Variants in CFAP20DC observed in about 807,000 individuals in gnomAD.
CFAP20DC encodes the protein CFAP20 domain containing, also known as protein CFAP20DC.
A neutral mutation model predicts 101.7 loss-of-function variants in CFAP20DC; 84 were observed. The observed-to-expected ratio is 0.83, with a 90% confidence interval of 0.69 to 0.99. The LOEUF is 0.99. CFAP20DC is among the 50% of genes least tolerant of loss of function. The pLI, the probability that CFAP20DC is intolerant of heterozygous loss-of-function variation, is 0.00. For missense variants in CFAP20DC, 1,007 were observed against 970.3 expected, an observed-to-expected ratio of 1.04 and a Z score of -0.50; for synonymous variants, 359 against 351.2, an observed-to-expected ratio of 1.02 and a Z score of -0.25.
At position 58,795,979 on chromosome 3, in the gene CFAP20DC, G is replaced by A. The variant is rs573641642; in HGVS notation, c.2237+10416C>T. Among the ~76,000 whole-genome samples, 3 of 152,234 alleles carry A rather than the reference G, an allele frequency of 2.0e-5. No individual in the cohort carries two copies. Among genetic ancestry groups the A allele is most frequent in the South Asian group, 4.2e-4 (2 of 4,818 alleles). On this transcript the variant is annotated intron_variant, in intron 15 of 16. Coordinates refer to ENST00000482387, the MANE Select transcript of CFAP20DC (RefSeq NM_001394063.1). The surrounding 1 kb of genome is among the most constrained non-coding windows in gnomAD (Gnocchi z 4.2). ...GGGGTTAGCTGATGCTCAGGCAGGC[G>A]GGTCCAGACACGAACATGGAGAGAG...
chr3:58,915,429 G>A (rs945486755), intron 5 of CFAP20DC, among the ~76,000 whole-genome samples: 5 of 152,050 alleles, frequency 3.3e-5, no homozygotes, highest in South Asian at 4.1e-4. Context: ...TTGTATAAAC[G>A]TGGTTCCTAG....
At chr3:58,780,035 C>T (rs1004542196) in intron 15 of CFAP20DC, among the ~76,000 whole-genome samples, 2 of 151,972 alleles carry the variant, frequency 1.3e-5, no homozygotes, top group Non-Finnish European at 2.9e-5. Context: ...ACTTTACAGG[C>T]CAGGAGAGAA....
At chr3:58,719,228 G>A (rs757559135) in intron 3 of CFAP20DC, among the ~76,000 whole-genome samples, 5 of 152,188 alleles carry the variant, frequency 3.3e-5, no homozygotes, top group Non-Finnish European at 7.3e-5. Flanking sequence ...GGATGACAGA[G>A]TGAGACCCTG....
At chr3:58,783,427 G>C (rs2072022897) in intron 15 of CFAP20DC, among the ~76,000 whole-genome samples, 1 of 151,556 alleles carries the variant, frequency 6.6e-6, no homozygotes. Flanking sequence ...AGATAAATAG[G>C]ACTATATTAA....
At chr3:58,784,634 G>A (rs1022555742) in intron 15 of CFAP20DC, among the ~76,000 whole-genome samples, 2 of 152,046 alleles carry the variant, frequency 1.3e-5, no homozygotes, top group African/African-American at 2.4e-5. Flanking sequence ...ACATGACAGC[G>A]CATGTGTCTT....
rs540402417 is a variant in CFAP20DC at position 58,899,105 on chromosome 3, A to G, written c.551-14396T>C. Among the ~76,000 whole-genome samples the G allele has an allele frequency of 1.3e-5, 2 of 152,240 alleles. No homozygotes were observed. Among genetic ancestry groups the G allele is most frequent in the African/African-American group, 4.8e-5 (2 of 41,542 alleles). On this transcript the variant is annotated intron_variant, in intron 6 of 16. Coordinates refer to ENST00000482387, the MANE Select transcript of CFAP20DC (RefSeq NM_001394063.1). This position sits in a 1 kb window ranked among gnomAD's most constrained non-coding sequence, Gnocchi z 5.0. ...GGGGTACTGACCTGTTGCCAGCCTG[A>G]ACTGCACCTGTAGGAGGAGGCTGGA...
At chr3:58,853,724 A>T (rs1326526817) in intron 12 of CFAP20DC, among the ~76,000 whole-genome samples, 1 of 152,202 alleles carries the variant, frequency 6.6e-6, no homozygotes, top group Non-Finnish European at 1.5e-5. Context: ...ACAGAACCAA[A>T]GACAAAAACC....
At chr3:58,838,983 C>T (rs377426181) in intron 13 of CFAP20DC, among the ~76,000 whole-genome samples, 40 of 152,066 alleles carry the variant, frequency 2.6e-4, no homozygotes, top group African/African-American at 9.2e-4. Flanking sequence ...TTTAAAGAAC[C>T]AGGAGGAAAA....
At chr3:58,966,400 G>C (rs1221731677) in intron 4 of CFAP20DC, among the ~76,000 whole-genome samples, 2 of 151,370 alleles carry the variant, frequency 1.3e-5, no homozygotes, top group East Asian at 3.9e-4. Context: ...TAAATACTGA[G>C]AAATAAATTT....
chr3:58,890,331 G>A (rs540895294), intron 6 of CFAP20DC, among the ~76,000 whole-genome samples: 12 of 140,088 alleles, frequency 8.6e-5, no homozygotes, highest in South Asian at 4.6e-4. Flanking sequence ...CCTCCCTCCC[G>A]GACGGGGCGG....
intron 13 of CFAP20DC, among the ~76,000 whole-genome samples, chr3:58,844,709 A>G (rs1428754782): frequency 7.7e-6 from 1 of 129,762 alleles, no homozygotes; most frequent in Non-Finnish European, 1.5e-5. Flanking sequence ...CAGAATATAC[A>G]TTTTTTTCAG....
At chr3:58,808,118 G>T (rs1166610985) in intron 14 of CFAP20DC, among the ~76,000 whole-genome samples, 2 of 152,170 alleles carry the variant, frequency 1.3e-5, no homozygotes, top group Non-Finnish European at 2.9e-5. Context: ...AGGGAGAATG[G>T]AACCAAGTTG....
Position 58,742,577 on chromosome 3 carries a change from G to A in CFAP20DC, c.2333-5C>T. 1.9e-6 allele frequency: 3 copies of A among 1,594,458 alleles called. No individual in the cohort carries two copies. Among genetic ancestry groups the A allele is most frequent in the Non-Finnish European group, 2.6e-6 (3 of 1,169,620 alleles). ...CCACACTGAGGTCTTCTTCACCTGT[G>A]GGGAAGGGGAACCACAGACACATTA... On this transcript the variant is annotated splice_region_variant and splice_polypyrimidine_tract_variant and intron_variant, in intron 16 of 16. Coordinates refer to ENST00000482387, the MANE Select transcript of CFAP20DC (RefSeq NM_001394063.1).
At chr3:58,727,377 T>C (rs1456297141) in intron 3 of CFAP20DC, 4 of 152,384 alleles carry the variant, frequency 2.6e-5, no homozygotes, top group Non-Finnish European at 4.4e-5. Context: ...AAAAACTTAA[T>C]TGGCTTCTTA....
intron 13 of CFAP20DC, among the ~76,000 whole-genome samples, chr3:58,839,813 C>T (rs1051410525): frequency 6.6e-6 from 1 of 152,194 alleles, no homozygotes; most frequent in Non-Finnish European, 1.5e-5. Context: ...AATGGGCGCA[C>T]TGTTTGCATA....
intron 15 of CFAP20DC, among the ~76,000 whole-genome samples, chr3:58,794,853 C>G (rs758201085): frequency 6.6e-6 from 1 of 152,128 alleles, no homozygotes. Flanking sequence ...AAATACTCAT[C>G]GAGCGTTGCT....
At chr3:58,766,008 A>G (rs528124135) in intron 15 of CFAP20DC, among the ~76,000 whole-genome samples, 2 of 152,320 alleles carry the variant, frequency 1.3e-5, no homozygotes, top group African/African-American at 4.8e-5. Context: ...TCTAAAGCCC[A>G]TATGTGAACC....
intron 15 of CFAP20DC, among the ~76,000 whole-genome samples, chr3:58,797,924 G>C (rs2073378440): frequency 6.6e-6 from 1 of 152,144 alleles, no homozygotes; most frequent in Non-Finnish European, 1.5e-5. Context: ...TTATAGCACA[G>C]TATACTGAAT....
At chr3:58,960,440 C>T (rs1037045667) in intron 4 of CFAP20DC, among the ~76,000 whole-genome samples, 1 of 149,100 alleles carries the variant, frequency 6.7e-6, no homozygotes, top group Non-Finnish European at 1.5e-5. Context: ...TGCAGTGAGC[C>T]GAGATCACAC....
Sources: allele counts gnomAD v4.1 joint callset (sites outside exome capture counted in the v4.1 genomes callset), GRCh38; gene constraint gnomAD v4.1.1; non-coding constraint Gnocchi (gnomAD v3.1); transcripts MANE v1.5; gene names NCBI Gene and HGNC (gene_info 2026-07-23, HGNC 2026-07-21).